RGS11: variants seen among roughly 807,000 people sequenced by gnomAD.
RGS11 encodes regulator of G protein signaling 11.
RGS11 carries 86 observed loss-of-function variants against 71.1 expected under a neutral mutation model. The observed-to-expected ratio is 1.21, with a 90% CI of 1.02 to 1.45. The LOEUF (loss-of-function observed/expected upper bound fraction) is 1.45. Among genes scored for constraint, RGS11 ranks in the 40% most tolerant of loss-of-function variants. The pLI, the probability that RGS11 is intolerant of heterozygous loss-of-function variation, is 0.00. For missense variants in RGS11, 734 were observed against 635.1 expected, an observed-to-expected ratio of 1.16 and a Z score of -1.67; for synonymous variants, 298 against 254.2, an observed-to-expected ratio of 1.17 and a Z score of -1.64.
At chr16:274,543 C>G (rs1336722417) in intron 4 of RGS11, 22 of 594,384 alleles carry the variant, frequency 3.7e-5, no homozygotes, top group Non-Finnish European at 6.1e-6. Flanking sequence ...GGGGCCTGCA[C>G]AAGTCTTGGA....
chr16:271,873 G>T, intron 9 of RGS11: 1 of 448,940 alleles, frequency 2.2e-6, no homozygotes, highest in Non-Finnish European at 4.0e-6. Context: ...TTTCACTCTT[G>T]TTTCCCAGGC....
intron 9 of RGS11, chr16:272,369 G>T: frequency 7.7e-6 from 10 of 1,290,770 alleles, no homozygotes; most frequent in East Asian, 1.1e-4. Flanking sequence ...AGTTTTATCA[G>T]TGAGGTTCTA....
chr16:270,993 C>G lies in RGS11; in HGVS notation c.970G>C (p.Glu324Gln), dbSNP rs61759901. 5 of 1,611,652 alleles carry G rather than the reference C, an allele frequency of 3.1e-6. No homozygotes were observed. The East Asian group carries it at 6.7e-5, about 22-fold the overall frequency. ...RAHFMDFLGK[E>Q]FSGENLSFWE... Reference sequence around the variant, plus strand: ...GCTGGGGGGTTCTCACCACTGAACTCCTTTCCCAGAAAGTCCATGAAGTGG... The same window carrying G: ...GCTGGGGGGTTCTCACCACTGAACTGCTTTCCCAGAAAGTCCATGAAGTGG... The change falls in exon 13 of 17, where the codon GAG becomes CAG. Residue 324 changes from glutamate (E) to glutamine (Q), a missense_variant. Physicochemically the swap from Glu to Gln is conservative, Grantham distance 29. Coordinates refer to ENST00000397770, the MANE Select transcript of RGS11 (RefSeq NM_183337.3).
intron 5 of RGS11, 25 bp downstream of exon 5, chr16:274,189 T>C (rs1363909889): frequency 1.2e-6 from 2 of 1,603,864 alleles, no homozygotes; most frequent in Non-Finnish European, 1.7e-6. Context: ...GGAACTTGTC[T>C]GGGGCCAGCC....
intron 1 of RGS11, 50 bp downstream of exon 1, chr16:275,799 C>T: frequency 1.3e-6 from 1 of 751,232 alleles, no homozygotes; most frequent in Non-Finnish European, 1.8e-6. Flanking sequence ...CCCTCCCGGC[C>T]TCGGGCGCCG....
At chr16:271,676 G>T in intron 9 of RGS11, 107 bp from the exon 10 acceptor site, 1 of 1,110,714 alleles carries the variant, frequency 9.0e-7, no homozygotes, top group South Asian at 1.3e-5. Context: ...CCATAGATCT[G>T]GCAGAGATGG....
chr16:275,754 G>A lies in RGS11; in HGVS notation c.63+95C>T. On this transcript the variant is annotated intron_variant, in intron 1 of 16. Coordinates refer to ENST00000397770, the MANE Select transcript of RGS11 (RefSeq NM_183337.3). ...CAGACCTCCGCCCCAGGCCCGCCCC[G>A]CCCCGCGCGCCCCCGTGTCCCCATG... The A allele has an allele frequency of 1.3e-5, 3 of 235,594 alleles. 1 individual carries two copies. The highest frequency in any genetic ancestry group is 1.7e-5 in the Non-Finnish European group (3 of 172,190). The allele number at this position is 235,594 out of a possible 1,614,324, so 14.6% of individuals were successfully genotyped here. A position where few individuals can be genotyped will look rare whatever the true frequency, so the allele number is the denominator to read the frequency against.
chr16:270,652 C>T lies in RGS11; in HGVS notation c.1077G>A (p.Leu359=), dbSNP rs755630499. The T allele has an allele frequency of 1.2e-6, 2 of 1,609,866 alleles. No individual in the cohort carries two copies. Among genetic ancestry groups the T allele is most frequent in the East Asian group, 2.2e-5 (1 of 44,736 alleles). Residue 359 remains leucine (L), a synonymous_variant, in exon 15 of 17, where the codon CTG becomes CTA. Coordinates refer to ENST00000397770, the MANE Select transcript of RGS11 (RefSeq NM_183337.3). ...TGACCCAGTGGGCAGCTCCGGGGGC[C>T]AGGAACTGCCTAGGGGTGGGGACAG... ...TLVDAVYEQF[L]APGAAHWVNI...
chr16:271,706 C>T (rs1056210184), intron 9 of RGS11, 137 bp from the exon 10 acceptor site: 8 of 794,938 alleles, frequency 1.0e-5, no homozygotes, highest in South Asian at 1.6e-5. Flanking sequence ...CCCCCAGTCC[C>T]GCCCCTTGGA....
intron 1 of RGS11, 78 bp from the exon 2 acceptor site, chr16:275,576 A>G: frequency 1.6e-6 from 2 of 1,253,896 alleles, no homozygotes; most frequent in Non-Finnish European, 2.2e-6. Flanking sequence ...GATGCCCCGG[A>G]TCCGGGAGCG....
chr16:273,909 G>C (rs539281168), intron 6 of RGS11, 73 bp from the exon 7 acceptor site: 2 of 1,507,808 alleles, frequency 1.3e-6, no homozygotes, highest in South Asian at 1.1e-5. Context: ...CAGTTGGGGG[G>C]TTGGGGACTG....
rs1006722012 is a variant in RGS11, at chr16:269,153, G to C, written c.*116C>G. 5.1e-5 allele frequency: 48 copies of C among 941,782 alleles called. No individual in the cohort carries two copies. The Admixed American group carries it at 7.6e-4, about 15-fold the overall frequency. 58.3% of individuals were successfully genotyped at this position (941,782 alleles called of 1,614,324 possible). ...GAAGACTGGGCCCCCTGGGCACAAGGGGACACTGGTGCTGGGTTCAGCAGC... is the reference window on the plus strand; with the variant it reads ...GAAGACTGGGCCCCCTGGGCACAAGCGGACACTGGTGCTGGGTTCAGCAGC... On this transcript the variant is annotated 3_prime_UTR_variant, in exon 17 of 17. Coordinates refer to ENST00000397770, the MANE Select transcript of RGS11 (RefSeq NM_183337.3).
In RGS11 at chr16:270,624, T is replaced by C. The variant is rs1355492685; in HGVS notation, c.1105A>G (p.Ile369Val). The C allele has an allele frequency of 3.7e-6, 6 of 1,608,638 alleles. No individual in the cohort carries two copies. The highest frequency in any genetic ancestry group is 2.7e-5 in the African/African-American group (2 of 74,804). ...GTCTGCTCCATGGTCCGGCTGTCGA[T>C]GTTGACCCAGTGGGCAGCTCCGGGG... ...LAPGAAHWVN[I>V]DSRTMEQTLE... Residue 369 changes from isoleucine to valine, a missense_variant, in exon 15 of 17, where the codon ATC becomes GTC. Physicochemically the swap from Ile to Val is conservative, Grantham distance 29. Transcript: ENST00000397770.
At chr16:271,718 C>T in intron 9 of RGS11, 149 bp from the exon 10 acceptor site, 1 of 703,434 alleles carries the variant, frequency 1.4e-6, no homozygotes, top group South Asian at 1.7e-5. Flanking sequence ...CCCCTTGGAG[C>T]CCCTTCTTCC....
rs942045433 is a variant in RGS11 at position 268,356 on chromosome 16, G to A, written c.*913C>T. 4 of 288,190 alleles carry A rather than the reference G, an allele frequency of 1.4e-5. No homozygotes were observed. Among genetic ancestry groups the A allele is most frequent in the Admixed American group, 9.2e-5 (2 of 21,798 alleles). The allele number at this position is 288,190 out of a possible 1,614,324, so 17.9% of individuals were successfully genotyped here. A position where few individuals can be genotyped will look rare whatever the true frequency, so the allele number is the denominator to read the frequency against. ...GTCTTTTATTTGTGTGCTGGACGCT[G>A]TTGGGAGTGACTGGATGTGAGCCAG... On this transcript the variant is annotated 3_prime_UTR_variant, in exon 17 of 17. Transcript: ENST00000397770.
In RGS11 at chr16:268,502, C is replaced by A; in HGVS notation, c.*767G>T. 1 of 533,448 alleles carries A rather than the reference C, an allele frequency of 1.9e-6. No homozygotes were observed. Among genetic ancestry groups the A allele is most frequent in the Middle Eastern group, 5.0e-4 (1 of 1,984 alleles). 33.0% of individuals were successfully genotyped at this position (533,448 alleles called of 1,614,324 possible). A position where few individuals can be genotyped will look rare whatever the true frequency, so the allele number is the denominator to read the frequency against. On this transcript the variant is annotated 3_prime_UTR_variant, in exon 17 of 17. Transcript: ENST00000397770. ...GGTGAGGCACTTGGGGGATGGGGAG[C>A]AAGGCCAGCTCACGAAGGAAGACTT...
At chr16:272,753 C>T (rs2051993243) in intron 9 of RGS11, 110 bp downstream of exon 9, 2 of 1,514,152 alleles carry the variant, frequency 1.3e-6, no homozygotes, top group Non-Finnish European at 8.8e-7. Context: ...GCACCAAGTG[C>T]CCTCTGGGTG....
At chr16:275,754 GCCCCGCGCGC>G (rs2141432349) in intron 1 of RGS11, 85 bp downstream of exon 1, 1 of 235,412 alleles carries the variant, frequency 4.2e-6, no homozygotes, top group African/African-American at 1.4e-4. Flanking sequence ...GGCCCGCCCC[GCCCCGCGCGC>G]CCCCGTGTCC....
At chr16:272,978 G>A (rs1387083685) in intron 8 of RGS11, 47 bp from the exon 9 acceptor site, 3 of 1,443,662 alleles carry the variant, frequency 2.1e-6, no homozygotes, top group African/African-American at 1.4e-5. Context: ...TCCGGTGGCT[G>A]ACCCCCTTTA....
Sources: allele counts gnomAD v4.1 joint callset, GRCh38; gene constraint gnomAD v4.1.1; transcripts MANE v1.5; gene names NCBI Gene and HGNC (gene_info 2026-07-23, HGNC 2026-07-21).